The following LARP1 variants were observed in gnomAD, a reference collection of about 807,000 sequenced individuals.
LARP1 encodes La ribonucleoprotein 1, translational regulator.
A neutral mutation model predicts 122.7 loss-of-function variants in LARP1; 36 were observed. The observed-to-expected ratio is 0.29, with a 90% CI of 0.22 to 0.39. The LOEUF (loss-of-function observed/expected upper bound fraction) is 0.39, where lower values mean the gene tolerates loss of function less well. LARP1 is among the 10% of genes least tolerant of loss of function. The pLI is 1.00. For synonymous variants in LARP1, 539 were observed against 528.7 expected, an observed-to-expected ratio of 1.02 and a Z score of -0.27; for missense variants, 1,040 against 1,403.6, an observed-to-expected ratio of 0.74 and a Z score of 4.14.
chr5:154,707,424 A>T (rs987210813), intron 1 of LARP1, among the ~76,000 whole-genome samples: 6 of 152,202 alleles, frequency 3.9e-5, no homozygotes, highest in African/African-American at 1.4e-4. Flanking sequence ...GACACTAGAA[A>T]ATAGTCTAAG....
intron 7 of LARP1, among the ~76,000 whole-genome samples, chr5:154,794,474 A>C (rs1757590100): frequency 6.6e-6 from 1 of 152,248 alleles, no homozygotes; most frequent in South Asian, 2.1e-4. Context: ...AGAAAGTTAG[A>C]AACTATACCA....
intron 1 of LARP1, among the ~76,000 whole-genome samples, chr5:154,690,630 C>G (rs1017994986): frequency 5.3e-5 from 8 of 152,254 alleles, no homozygotes; most frequent in African/African-American, 1.9e-4. Flanking sequence ...CCCTCCCTGC[C>G]TGGGTGATAT....
intron 15 of LARP1, among the ~76,000 whole-genome samples, chr5:154,808,159 T>G (rs1758944462): frequency 1.3e-5 from 2 of 152,236 alleles, no homozygotes; most frequent in African/African-American, 4.8e-5. Flanking sequence ...ATGCCTTGTC[T>G]TGTCTCGACG....
chr5:154,755,739 C>G lies in LARP1; in HGVS notation c.-19C>G, dbSNP rs1561568716. ...CAGCCTCGGGCGCGCCCGGCTTCTC[C>G]GGGGGGGCGGGCGCGCAGATGGCCA... is the stretch of plus-strand genomic sequence containing the variant. On this transcript the variant is annotated 5_prime_UTR_variant, in exon 1 of 19. Transcript: ENST00000518297. 46 of 987,238 alleles carry G rather than the reference C, an allele frequency of 4.7e-5. No homozygotes were observed. Among genetic ancestry groups the G allele is most frequent in the Non-Finnish European group, 5.5e-5 (46 of 830,310 alleles). 61.2% of individuals were successfully genotyped at this position (987,238 alleles called of 1,614,324 possible). A position where few individuals can be genotyped will look rare whatever the true frequency, so the allele number is the denominator to read the frequency against.
Position 154,755,720 on chromosome 5 carries a change from CG to C in LARP1, c.-35del. 1 of 987,582 alleles carries C rather than the reference CG, an allele frequency of 1.0e-6. No homozygotes were observed. Among genetic ancestry groups the C allele is most frequent in the Non-Finnish European group, 1.2e-6 (1 of 830,346 alleles). The allele number at this position is 987,582 out of a possible 1,614,324, so 61.2% of individuals were successfully genotyped here. ...AAGTTCGAGGCGGGGGAGGCAGCCT[CG>C]GGCGCGCCCGGCTTCTCCGGGGGGG... On this transcript the variant is annotated 5_prime_UTR_variant, in exon 1 of 19. Transcript: ENST00000518297.
intron 1 of LARP1, among the ~76,000 whole-genome samples, chr5:154,701,580 C>T (rs1349736258): frequency 1.3e-5 from 2 of 151,276 alleles, no homozygotes; most frequent in Non-Finnish European, 2.9e-5. Flanking sequence ...CAATGAGACT[C>T]AATTCTGGGG....
chr5:154,720,181 ACT>A (rs1436835344), intron 1 of LARP1, among the ~76,000 whole-genome samples: 6 of 150,538 alleles, frequency 4.0e-5, no homozygotes, highest in African/African-American at 1.2e-4. Context: ...ACAGAGCGAG[ACT>A]CTGTCTCAAA....
intron 1 of LARP1, among the ~76,000 whole-genome samples, chr5:154,733,765 G>A (rs972530359): frequency 1.3e-5 from 2 of 151,958 alleles, no homozygotes; most frequent in African/African-American, 2.4e-5. Flanking sequence ...ATTTTGCCAC[G>A]TTGGCCAGGC....
At chr5:154,740,006 C>G (rs1432012399) in intron 1 of LARP1, among the ~76,000 whole-genome samples, 1 of 149,898 alleles carries the variant, frequency 6.7e-6, no homozygotes, top group Non-Finnish European at 1.5e-5. Flanking sequence ...GGAGACCAGA[C>G]CAGGCAACAT....
intron 1 of LARP1, among the ~76,000 whole-genome samples, chr5:154,773,791 G>A (rs1561588670): frequency 6.6e-6 from 1 of 152,190 alleles, no homozygotes; most frequent in African/African-American, 2.4e-5. Flanking sequence ...AGCCTACCCC[G>A]CTGATGGAAG....
chr5:154,735,630 G>A (rs191935293), intron 1 of LARP1, among the ~76,000 whole-genome samples: 3 of 150,984 alleles, frequency 2.0e-5, no homozygotes, highest in Admixed American at 6.6e-5. Flanking sequence ...TTGTAGTGGC[G>A]TGATCTCGGC....
chr5:154,700,660 A>G (rs914047023), intron 1 of LARP1, among the ~76,000 whole-genome samples: 7 of 151,894 alleles, frequency 4.6e-5, no homozygotes, highest in Non-Finnish European at 7.4e-5. Flanking sequence ...GTCTCGCTCT[A>G]TCACCCAGGC....
chr5:154,708,218 A>G (rs556781714), upstream of LARP1, among the ~76,000 whole-genome samples: 2 of 152,318 alleles, frequency 1.3e-5, no homozygotes, highest in African/African-American at 4.8e-5. Flanking sequence ...CTTGAAACCT[A>G]TCAGAAATCC....
chr5:154,731,594 A>G (rs576578113), intron 1 of LARP1, among the ~76,000 whole-genome samples: 1 of 152,296 alleles, frequency 6.6e-6, no homozygotes, highest in South Asian at 2.1e-4. Flanking sequence ...GAGCACCCCA[A>G]CATGCCACTA....
At chr5:154,738,372 G>A (rs4452598) in intron 1 of LARP1, among the ~76,000 whole-genome samples, 16,302 of 152,008 alleles carry the variant, frequency 0.11, 949 homozygotes, top group South Asian at 0.19. Flanking sequence ...TGGGTGGATC[G>A]CCTGAGGTCA....
chr5:154,792,306 A>G (rs1471363290), intron 3 of LARP1, among the ~76,000 whole-genome samples: 1 of 152,170 alleles, frequency 6.6e-6, no homozygotes. Context: ...CTTCCCACAG[A>G]CTACCTAGAC....
upstream of LARP1, among the ~76,000 whole-genome samples, chr5:154,709,300 C>T (rs997755245): frequency 6.6e-6 from 1 of 152,220 alleles, no homozygotes; most frequent in Non-Finnish European, 1.5e-5. Flanking sequence ...TGCTTCTGCT[C>T]TTCATGTTCA....
intron 1 of LARP1, among the ~76,000 whole-genome samples, chr5:154,690,068 A>G (rs570880029): frequency 5.9e-5 from 9 of 152,264 alleles, no homozygotes; most frequent in African/African-American, 2.2e-4. Context: ...AAATTAAAAA[A>G]AAATGAAGTG....
chr5:154,741,776 G>A (rs1752896518), intron 1 of LARP1, among the ~76,000 whole-genome samples: 1 of 152,188 alleles, frequency 6.6e-6, no homozygotes, highest in South Asian at 2.1e-4. Flanking sequence ...GTTTATTCTT[G>A]TAATAGGCAG....
Sources: gnomAD v4.1 joint callset for allele counts (sites outside exome capture counted in the v4.1 genomes callset) on GRCh38, gnomAD v4.1.1 for gene constraint, MANE v1.5 for transcripts, NCBI Gene and HGNC (gene_info 2026-07-23, HGNC 2026-07-21) for gene names.